ZNF347: variants seen among roughly 807,000 people sequenced by gnomAD.
The protein encoded by ZNF347 is zinc finger protein 347.
A neutral mutation model predicts 12.9 loss-of-function variants in ZNF347; 19 were observed. That is an observed-to-expected ratio of 1.47 (90% confidence interval 1.03 to 2.16). ZNF347 has a LOEUF of 2.16. Ranked by LOEUF, ZNF347 falls within the 30% of genes most tolerant of loss-of-function variation. The pLI is 0.00. For synonymous variants in ZNF347, 328 were observed against 340.6 expected (o/e 0.96, Z 0.41); for missense variants, 1,005 against 990.6 (o/e 1.01, Z -0.19).
Position 53,135,337 on chromosome 19 carries a change from TATAGAGAG to T in ZNF347, c.*4963_*4970del, listed in dbSNP as rs2090381767. ...ATATATATATATATATATATATATA[TATAGAGAG>T]AGAGAGAGAGAGAGAGAGAGAGAAA... On this transcript the variant is annotated 3_prime_UTR_variant, in exon 5 of 5. Transcript: ENST00000334197. 1.2e-5 allele frequency: 1 copy of T among 86,050 alleles called. No homozygotes were observed. Among genetic ancestry groups the T allele is most frequent in the Non-Finnish European group, 2.1e-5 (1 of 47,334 alleles). 5.3% of individuals were successfully genotyped at this position (86,050 alleles called of 1,614,324 possible).
chr19:53,142,156 T>C lies in ZNF347; in HGVS notation c.672A>G (p.Gln224=), dbSNP rs762834387. The change falls in exon 5 of 5, where the codon CAA becomes CAG. Residue 224 remains glutamine, a synonymous_variant. Coordinates refer to ENST00000334197, the MANE Select transcript of ZNF347 (RefSeq NM_032584.3). ...GGGTTTTGACATTATAAGGCATTTG[T>C]TGAGGTGGTGAAACTGAGGAATTAT... ...FNNNSSVSPP[Q]QMPYNVKTHI... is the part of the protein sequence containing the mutation. 3.8e-5 allele frequency: 61 copies of C among 1,613,916 alleles called. No individual in the cohort carries two copies. The highest frequency in any genetic ancestry group is 5.0e-5 in the Non-Finnish European group (59 of 1,179,978).
intron 4 of ZNF347, among the ~76,000 whole-genome samples, chr19:53,143,680 A>G (rs976033744): frequency 1.2e-3 from 183 of 152,238 alleles, no homozygotes; most frequent in African/African-American, 4.1e-3. Flanking sequence ...TAGTGCCACA[A>G]TAAACATACG....
chr19:53,142,075 C>T lies in ZNF347; in HGVS notation c.753G>A (p.Gly251=), dbSNP rs2090432416. 6.2e-7 allele frequency: 1 copy of T among 1,612,592 alleles called. No homozygotes were observed. The highest frequency in any genetic ancestry group is 8.5e-7 in the Non-Finnish European group (1 of 1,179,628). ...GGCTTCCCCAATTATTTGCTTTTTG[C>T]CCCTGTGTGAGTAATAAAGAAGAGA... is the stretch of plus-strand genomic sequence containing the variant. ...DFISSLLLTQ[G]QKANNWGSPY... The change falls in exon 5 of 5, where the codon GGG becomes GGA. Residue 251 remains glycine (G), a synonymous_variant. Coordinates refer to ENST00000334197, the MANE Select transcript of ZNF347 (RefSeq NM_032584.3).
In ZNF347 at chr19:53,140,259, G is replaced by T; in HGVS notation, c.*49C>A. The stretch of plus-strand genomic sequence containing the variant: ...AATTCTCTGACGTTGTCAAAGGAAT[G>T]AATTCTAACTGCAAAAGTTACCACC... On this transcript the variant is annotated 3_prime_UTR_variant, in exon 5 of 5. Coordinates refer to ENST00000334197, the MANE Select transcript of ZNF347 (RefSeq NM_032584.3). 1 of 1,480,892 alleles carries T rather than the reference G, an allele frequency of 6.8e-7. No individual in the cohort carries two copies. Among genetic ancestry groups the T allele is most frequent in the Non-Finnish European group, 9.1e-7 (1 of 1,102,308 alleles). 91.7% of individuals were successfully genotyped at this position (1,480,892 alleles called of 1,614,324 possible).
At position 53,141,747 on chromosome 19, in the gene ZNF347, C is replaced by T. The variant is rs755096767; in HGVS notation, c.1081G>A (p.Val361Ile). 2 of 1,613,578 alleles carry T rather than the reference C, an allele frequency of 1.2e-6. No homozygotes were observed. Among genetic ancestry groups the T allele is most frequent in the Admixed American group, 1.7e-5 (1 of 59,966 alleles). Residue 361 changes from valine (V) to isoleucine (I), a missense_variant, in exon 5 of 5, where the codon GTA becomes ATA. By Grantham distance (29) the Val-to-Ile change is conservative. Transcript: ENST00000334197. ...CCAGTATGAATTCCTCGATGTCTTA[C>T]AAGGTGTGAATTCTGAGTGAAGACC... ...GKVFTQNSHL[V>I]RHRGIHTGEK... is the part of the protein sequence containing the mutation.
chr19:53,141,757 A>C lies in ZNF347; in HGVS notation c.1071T>G (p.Asn357Lys). Reference protein sequence around the residue: ...CNECGKVFTQNSHLVRHRGIH... With the variant: ...CNECGKVFTQKSHLVRHRGIH... ...TTCCTCGATGTCTTACAAGGTGTGA[A>C]TTCTGAGTGAAGACCTTGCCACATT... The change falls in exon 5 of 5, where the codon AAT becomes AAG. Residue 357 changes from asparagine to lysine, a missense_variant. Coordinates refer to ENST00000334197, the MANE Select transcript of ZNF347 (RefSeq NM_032584.3). 6.2e-7 allele frequency: 1 copy of C among 1,613,810 alleles called. No homozygotes were observed. The highest frequency in any genetic ancestry group is 1.1e-5 in the South Asian group (1 of 91,032).
chr19:53,154,436 G>T (rs1003474763), intron 1 of ZNF347, among the ~76,000 whole-genome samples: 4 of 152,258 alleles, frequency 2.6e-5, no homozygotes, highest in African/African-American at 9.6e-5. Context: ...CAGGTGACAT[G>T]AAGCTGTGCA....
intron 1 of ZNF347, among the ~76,000 whole-genome samples, chr19:53,154,943 G>GTT (rs562142775): frequency 6.9e-6 from 1 of 144,234 alleles, no homozygotes; most frequent in African/African-American, 2.5e-5. Flanking sequence ...GTTTTGTTTT[G>GTT]TTTTTTTTTT....
chr19:53,155,829 G>A (rs2090530004), intron 1 of ZNF347, among the ~76,000 whole-genome samples: 1 of 152,182 alleles, frequency 6.6e-6, no homozygotes, highest in East Asian at 1.9e-4. Flanking sequence ...CCAGAAGCAG[G>A]AACAGGCCAT....
intron 2 of ZNF347, among the ~76,000 whole-genome samples, chr19:53,150,691 T>C (rs985652127): frequency 1.3e-5 from 2 of 152,164 alleles, no homozygotes; most frequent in South Asian, 4.1e-4. Context: ...CAATGACAGA[T>C]GTTTCTGAGC....
chr19:53,142,584 C>A (rs1234093682), intron 4 of ZNF347, 28 bp from the exon 5 acceptor site: 2 of 1,479,680 alleles, frequency 1.4e-6, no homozygotes. Flanking sequence ...CCATAGGTTT[C>A]CAATTAATTG....
intron 2 of ZNF347, among the ~76,000 whole-genome samples, chr19:53,149,769 C>T (rs1300344127): frequency 6.6e-6 from 1 of 152,062 alleles, no homozygotes; most frequent in East Asian, 1.9e-4. Flanking sequence ...ATGAAGCCCC[C>T]ATAATAACCC....
chr19:53,142,944 A>G (rs2090439225), intron 4 of ZNF347, among the ~76,000 whole-genome samples: 1 of 152,228 alleles, frequency 6.6e-6, no homozygotes, highest in South Asian at 2.1e-4. Flanking sequence ...AAAGAAAATG[A>G]CACGATGTAA....
intron 3 of ZNF347, 99 bp from the exon 4 acceptor site, chr19:53,148,908 A>C: frequency 6.9e-7 from 1 of 1,449,388 alleles, no homozygotes. Flanking sequence ...TGTATCTAAA[A>C]AAACACTTCA....
At chr19:53,149,158 G>C in intron 3 of ZNF347, 83 bp downstream of exon 3, 1 of 1,579,960 alleles carries the variant, frequency 6.3e-7, no homozygotes, top group South Asian at 1.2e-5. Flanking sequence ...GCCAAGCAAT[G>C]CATGAGCTCC....
In ZNF347 at chr19:53,139,687, TAC is replaced by T. The variant is rs749893549; in HGVS notation, c.*619_*620del. 1 of 152,272 alleles carries T rather than the reference TAC, an allele frequency of 6.6e-6. No homozygotes were observed. Among genetic ancestry groups the T allele is most frequent in the Non-Finnish European group, 1.5e-5 (1 of 68,076 alleles). 9.4% of individuals were successfully genotyped at this position (152,272 alleles called of 1,614,324 possible). A position where few individuals can be genotyped will look rare whatever the true frequency, so the allele number is the denominator to read the frequency against. On this transcript the variant is annotated 3_prime_UTR_variant, in exon 5 of 5. Coordinates refer to ENST00000334197, the MANE Select transcript of ZNF347 (RefSeq NM_032584.3). ...GTCACTCTTTGTATGAATCCTCACCTACAGTTACAGTCTTAGAGTAAGAGCTT... is the reference window on the plus strand; with the variant it reads ...GTCACTCTTTGTATGAATCCTCACCTAGTTACAGTCTTAGAGTAAGAGCTT...
At chr19:53,153,710 A>G in intron 2 of ZNF347, 23 bp downstream of exon 2, 1 of 1,612,120 alleles carries the variant, frequency 6.2e-7, no homozygotes, top group Non-Finnish European at 8.5e-7. Context: ...AGACAGAACA[A>G]TCCACTGATA....
Position 53,139,731 on chromosome 19 carries a change from A to G in ZNF347, c.*577T>C, listed in dbSNP as rs1024277647. ...TAAGAGCTTCAGGATGCTCTTACAC[A>G]TTACATTTGTGTGGTTCCATCAAAT... On this transcript the variant is annotated 3_prime_UTR_variant, in exon 5 of 5. Transcript: ENST00000334197. 6.5e-6 allele frequency: 1 copy of G among 152,718 alleles called. No individual in the cohort carries two copies. The highest frequency in any genetic ancestry group is 2.4e-5 in the African/African-American group (1 of 41,448). The allele number at this position is 152,718 out of a possible 1,614,324, so 9.5% of individuals were successfully genotyped here.
rs746317381 is a variant in ZNF347, at chr19:53,142,101, T to C, written c.727A>G (p.Ile243Val). Residue 243 changes from isoleucine (I) to valine (V), a missense_variant, in exon 5 of 5, where the codon ATC becomes GTC. Physicochemically the swap from Ile to Val is conservative, Grantham distance 29 (BLOSUM62 3). Coordinates refer to ENST00000334197, the MANE Select transcript of ZNF347 (RefSeq NM_032584.3). ...CCCTGTGTGAGTAATAAAGAAGAGATAAAATCTTTGAGATATTTCTTAGAA... is the reference window on the plus strand; with the variant it reads ...CCCTGTGTGAGTAATAAAGAAGAGACAAAATCTTTGAGATATTTCTTAGAA... Reference protein sequence around the residue: ...HISKKYLKDFISSLLLTQGQK... With the variant: ...HISKKYLKDFVSSLLLTQGQK... The C allele has an allele frequency of 6.2e-7, 1 of 1,612,844 alleles. No homozygotes were observed. The highest frequency in any genetic ancestry group is 1.3e-5 in the African/African-American group (1 of 74,968).
Sources: gnomAD v4.1 joint callset for allele counts (sites outside exome capture counted in the v4.1 genomes callset) on GRCh38, gnomAD v4.1.1 for gene constraint, MANE v1.5 for transcripts, NCBI Gene and HGNC (gene_info 2026-07-23, HGNC 2026-07-21) for gene names.